The following PARP3 variants were observed in gnomAD, a reference collection of about 807,000 sequenced individuals.
PARP3 encodes the protein poly(ADP-ribose) polymerase family member 3.
PARP3 carries 46 observed loss-of-function variants against 58.2 expected under a neutral mutation model. That is an observed-to-expected ratio of 0.79 (90% CI 0.62 to 1.01). The LOEUF (loss-of-function observed/expected upper bound fraction) is 1.01, where lower values mean the gene tolerates loss of function less well. PARP3 is among the 50% of genes least tolerant of loss of function. The probability of loss-of-function intolerance (pLI) is 0.00; values close to 1 mark genes in which losing one functional copy is unlikely to be tolerated. For missense variants in PARP3, 663 were observed against 683.9 expected, an observed-to-expected ratio of 0.97 and a Z score of 0.34; for synonymous variants, 252 against 266.4, an observed-to-expected ratio of 0.95 and a Z score of 0.53.
chr3:51,945,405 TG>T, intron 6 of PARP3, 89 bp from the exon 7 acceptor site: 1 of 1,475,754 alleles, frequency 6.8e-7, no homozygotes, highest in Non-Finnish European at 9.2e-7. Context: ...GACACACAGG[TG>T]GGGTGGCTAC....
chr3:51,945,749 C>T (rs1699662274), intron 7 of PARP3, 104 bp from the exon 8 acceptor site: 1 of 1,530,052 alleles, frequency 6.5e-7, no homozygotes, highest in South Asian at 1.1e-5. Context: ...CCTTCTCTTC[C>T]TGTGTCTCCA....
At chr3:51,942,834 G>A (rs1699576812) in intron 1 of PARP3, 126 bp downstream of exon 1, 1 of 1,470,298 alleles carries the variant, frequency 6.8e-7, no homozygotes, top group African/African-American at 1.4e-5. Flanking sequence ...GAGTCCATTG[G>A]GAAGGGCTTC....
chr3:51,944,762 T>C lies in PARP3; in HGVS notation c.502-16T>C. On this transcript the variant is annotated splice_polypyrimidine_tract_variant and intron_variant, in intron 4 of 10. Coordinates refer to ENST00000398755, the MANE Select transcript of PARP3 (RefSeq NM_001003931.4). This position sits in a 1 kb window ranked among gnomAD's most constrained non-coding sequence, Gnocchi z 4.2. ...CTGCCCCGCTGCTCCTGCCCACATG[T>C]GCCCTCTATCTTCAGGTGGACAGAG... 1 of 1,602,000 alleles carries C rather than the reference T, an allele frequency of 6.2e-7. No homozygotes were observed.
chr3:51,947,343 G>A (rs1426537005), intron 9 of PARP3, among the ~76,000 whole-genome samples: 2 of 152,220 alleles, frequency 1.3e-5, no homozygotes, highest in Admixed American at 6.5e-5. Flanking sequence ...CCAAGAGCAA[G>A]GGGTCCACCA....
intron 9 of PARP3, among the ~76,000 whole-genome samples, chr3:51,947,221 C>T (rs1379895622): frequency 6.6e-6 from 1 of 152,196 alleles, no homozygotes; most frequent in African/African-American, 2.4e-5. Context: ...ACCAGCTCCT[C>T]CACCCAGGCT....
chr3:51,945,699 C>T (rs1278228355), intron 7 of PARP3, 55 bp downstream of exon 7: 6 of 1,590,588 alleles, frequency 3.8e-6, no homozygotes, highest in Middle Eastern at 1.8e-4. Flanking sequence ...TCCCTCTGCC[C>T]ACCTGCCCTC....
intron 1 of PARP3, 167 bp downstream of exon 1, chr3:51,942,875 T>A (rs1577655363): frequency 1.0e-5 from 15 of 1,430,238 alleles, no homozygotes; most frequent in African/African-American, 1.0e-4. Context: ...TCCGGGAGGA[T>A]AATCTGGCCC....
rs769313993 is a variant in PARP3, at chr3:51,944,153, A to G, written c.248A>G (p.Tyr83Cys). 1.9e-6 allele frequency: 3 copies of G among 1,613,898 alleles called. No individual in the cohort carries two copies. The highest frequency in any genetic ancestry group is 2.5e-6 in the Non-Finnish European group (3 of 1,179,906). ...ATCGAGAACAACAACAACAAGTTCTACATCATCCAGCTGCTCCAAGACAGC... is the reference window on the plus strand; with the variant it reads ...ATCGAGAACAACAACAACAAGTTCTGCATCATCCAGCTGCTCCAAGACAGC... ...TNIENNNNKF[Y>C]IIQLLQDSNR... The change falls in exon 3 of 11, where the codon TAC becomes TGC. Residue 83 changes from tyrosine to cysteine, a missense_variant. Tyr to Cys is a radical substitution (Grantham distance 194). This residue lies in a region of PARP3 where 567 missense variants were observed against 553.6 expected (regional missense o/e 1.02). Coordinates refer to ENST00000398755, the MANE Select transcript of PARP3 (RefSeq NM_001003931.4). The surrounding 1 kb of genome is among the most constrained non-coding windows in gnomAD (Gnocchi z 4.2).
rs749079476 is a variant in PARP3 at position 51,945,518 on chromosome 3, C to T, written c.885C>T (p.Ala295=). ...AGGTGCTGGCGGACATCGAGCTGGCCCAGGCCCTGCAGGCAGTCTCTGAGC... is the reference window on the plus strand; with the variant it reads ...AGGTGCTGGCGGACATCGAGCTGGCTCAGGCCCTGCAGGCAGTCTCTGAGC... ...MLLVLADIEL[A]QALQAVSEQE... is the part of the protein sequence containing the mutation. The change falls in exon 7 of 11, where the codon GCC becomes GCT. Residue 295 remains alanine (A), a synonymous_variant. Transcript: ENST00000398755. 5 of 1,613,694 alleles carry T rather than the reference C, an allele frequency of 3.1e-6. No homozygotes were observed. The South Asian group carries it at 5.5e-5, about 18-fold the overall frequency.
At position 51,944,070 on chromosome 3, in the gene PARP3, C is replaced by G. The variant is rs374490587; in HGVS notation, c.184-19C>G. The G allele has an allele frequency of 1.7e-4, 267 of 1,611,742 alleles. No homozygotes were observed. Among genetic ancestry groups the G allele is most frequent in the Non-Finnish European group, 2.1e-4 (242 of 1,178,956 alleles). ...ATCTGACCCCAGCCAGCCTGCCCCC[C>G]ACCTCCCCTCTGGCCCAGGTGTATG... On this transcript the variant is annotated intron_variant, in intron 2 of 10. Transcript: ENST00000398755. This position sits in a 1 kb window ranked among gnomAD's most constrained non-coding sequence, Gnocchi z 4.2.
chr3:51,947,616 G>A (rs1699710127), intron 9 of PARP3, 124 bp from the exon 10 acceptor site: 2 of 1,001,380 alleles, frequency 2.0e-6, no homozygotes, highest in African/African-American at 3.2e-5. Context: ...ACGGTTGGGG[G>A]AGAGTGAGCC....
At position 51,944,132 on chromosome 3, in the gene PARP3, A is replaced by G; in HGVS notation, c.227A>G (p.Glu76Gly). The G allele has an allele frequency of 6.2e-7, 1 of 1,613,690 alleles. No individual in the cohort carries two copies. The highest frequency in any genetic ancestry group is 8.5e-7 in the Non-Finnish European group (1 of 1,179,820). Reference sequence around the variant, plus strand: ...TGCACCCTGAACCAGACCAACATCGAGAACAACAACAACAAGTTCTACATC... The same window carrying G: ...TGCACCCTGAACCAGACCAACATCGGGAACAACAACAACAAGTTCTACATC... The part of the protein sequence containing the change: ...YNCTLNQTNI[E>G]NNNNKFYIIQ... The change falls in exon 3 of 11, where the codon GAG (glutamate) becomes GGG (glycine). Residue 76 changes from glutamate (E) to glycine (G), a missense_variant. Coordinates refer to ENST00000398755, the MANE Select transcript of PARP3 (RefSeq NM_001003931.4). This position sits in a 1 kb window ranked among gnomAD's most constrained non-coding sequence, Gnocchi z 4.2.
At position 51,946,440 on chromosome 3, in the gene PARP3, A is replaced by AG. The variant is rs1699679242; in HGVS notation, c.1276+99dup. On this transcript the variant is annotated intron_variant, in intron 9 of 10. Transcript: ENST00000398755. This position sits in a 1 kb window ranked among gnomAD's most constrained non-coding sequence, Gnocchi z 4.6. ...TGGAAATTCATGGTGAATCCAAGAG[A>AG]GGAATCCTTTAATGGTTAATGACTA... 1 of 1,018,498 alleles carries AG rather than the reference A, an allele frequency of 9.8e-7. No homozygotes were observed. The highest frequency in any genetic ancestry group is 1.6e-5 in the South Asian group (1 of 60,944). The allele number at this position is 1,018,498 out of a possible 1,614,324, so 63.1% of individuals were successfully genotyped here. A position where few individuals can be genotyped will look rare whatever the true frequency, so the allele number is the denominator to read the frequency against.
intron 9 of PARP3, among the ~76,000 whole-genome samples, chr3:51,947,410 G>T (rs78937138): frequency 3.3e-5 from 5 of 152,068 alleles, no homozygotes; most frequent in African/African-American, 9.7e-5. Flanking sequence ...GAGAGCCAGC[G>T]CGAGGAAGTC....
In PARP3 at chr3:51,943,486, G is replaced by C. The variant is rs1007682490; in HGVS notation, c.131G>C (p.Arg44Pro). 9.9e-6 allele frequency: 16 copies of C among 1,610,038 alleles called. No individual in the cohort carries two copies. The highest frequency in any genetic ancestry group is 1.4e-5 in the Non-Finnish European group (16 of 1,178,648). Residue 44 changes from arginine to proline, a missense_variant, in exon 2 of 11, where the codon CGC (arginine) becomes CCC (proline). Physicochemically the swap from Arg to Pro is moderately radical, Grantham distance 103. Coordinates refer to ENST00000398755, the MANE Select transcript of PARP3 (RefSeq NM_001003931.4). ...EALKAIPAEK[R>P]IIRVDPTCPL... ...CTCAAGGCCATACCCGCAGAGAAGC[G>C]CATAATCCGCGTGGATCCAACATGT...
At chr3:51,947,925 G>A (rs1458541780) in intron 10 of PARP3, 30 bp downstream of exon 10, 1 of 1,608,224 alleles carries the variant, frequency 6.2e-7, no homozygotes, top group Non-Finnish European at 8.5e-7. Context: ...ACAGCCCAAG[G>A]AGAGAGGTGG....
rs1020698090 is a variant in PARP3, at chr3:51,948,832, T to C, written c.*352T>C. 9 of 287,616 alleles carry C rather than the reference T, an allele frequency of 3.1e-5. No individual in the cohort carries two copies. Among genetic ancestry groups the C allele is most frequent in the Non-Finnish European group, 5.2e-5 (8 of 153,552 alleles). 17.8% of individuals were successfully genotyped at this position (287,616 alleles called of 1,614,324 possible). ...GCATAATGTGCACCGGGTTCACCCA[T>C]GTTTTCATAAATGACAAGATTTCCT... is the stretch of plus-strand genomic sequence containing the variant. On this transcript the variant is annotated 3_prime_UTR_variant, in exon 11 of 11. Coordinates refer to ENST00000398755, the MANE Select transcript of PARP3 (RefSeq NM_001003931.4).
In PARP3 at chr3:51,942,719, T is replaced by G; in HGVS notation, c.-3+11T>G. On this transcript the variant is annotated intron_variant, in intron 1 of 10. Coordinates refer to ENST00000398755, the MANE Select transcript of PARP3 (RefSeq NM_001003931.4). ...CCCTGCTTTTCTTGGGTGAGTGTCCTATGGTCCTGCCCACGGCAGGGCAGG... is the reference window on the plus strand; with the variant it reads ...CCCTGCTTTTCTTGGGTGAGTGTCCGATGGTCCTGCCCACGGCAGGGCAGG... 1 of 1,556,868 alleles carries G rather than the reference T, an allele frequency of 6.4e-7. No homozygotes were observed. Among genetic ancestry groups the G allele is most frequent in the East Asian group, 2.4e-5 (1 of 41,526 alleles).
At chr3:51,942,847 C>G in intron 1 of PARP3, 139 bp downstream of exon 1, 1 of 1,458,308 alleles carries the variant, frequency 6.9e-7, no homozygotes, top group Non-Finnish European at 9.1e-7. Flanking sequence ...AGGGCTTCTA[C>G]AGCTCTGGGT....
Sources: gnomAD v4.1 joint callset for allele counts (sites outside exome capture counted in the v4.1 genomes callset) on GRCh38, gnomAD v4.1.1 for gene constraint, gnomAD v4.1.1 regional missense constraint, Gnocchi (gnomAD v3.1) non-coding constraint, MANE v1.5 for transcripts, NCBI Gene and HGNC (gene_info 2026-07-23, HGNC 2026-07-21) for gene names.